The following TMBIM6 variants were observed in gnomAD, a reference collection of about 807,000 sequenced individuals.
TMBIM6 encodes bax inhibitor 1.
TMBIM6 carries 13 observed loss-of-function variants against 31.4 expected under a neutral mutation model. That is an observed-to-expected ratio of 0.41 (90% CI 0.27 to 0.66). The LOEUF (loss-of-function observed/expected upper bound fraction) is 0.66. TMBIM6 is among the 30% of genes least tolerant of loss of function. The pLI, the probability that TMBIM6 is intolerant of heterozygous loss-of-function variation, is 0.28. For missense variants in TMBIM6, 275 were observed against 289.5 expected (o/e 0.95, Z 0.36); for synonymous variants, 85 against 101.7 (o/e 0.84, Z 0.99).
chr12:49,747,260 T>C (rs1195760980), intron 1 of TMBIM6, among the ~76,000 whole-genome samples: 1 of 152,186 alleles, frequency 6.6e-6, no homozygotes, highest in Admixed American at 6.5e-5. Flanking sequence ...AACCATGTAA[T>C]TGACAAACTA....
At chr12:49,744,779 G>A (rs1291651371) in intron 1 of TMBIM6, among the ~76,000 whole-genome samples, 1 of 152,162 alleles carries the variant, frequency 6.6e-6, no homozygotes, top group Non-Finnish European at 1.5e-5. Flanking sequence ...TATGCTGTTT[G>A]TCTTAATTTA....
In TMBIM6 at chr12:49,755,837, C is replaced by CTT. The variant is rs369987981; in HGVS notation, c.286+95_286+96dup. 4,249 of 1,114,996 alleles carry CTT rather than the reference C, an allele frequency of 3.8e-3. 10 individuals are homozygous for CTT. Among genetic ancestry groups the CTT allele is most frequent in the African/African-American group, 0.02 (1,121 of 56,786 alleles). 69.1% of individuals were successfully genotyped at this position (1,114,996 alleles called of 1,614,324 possible). A position where few individuals can be genotyped will look rare whatever the true frequency, so the allele number is the denominator to read the frequency against. ...AATTAGTTCCCCCCCCTTTTTTTTT[C>CTT]TTTTTTTTTTTTTTGAGACAGAGTC... On this transcript the variant is annotated intron_variant, in intron 4 of 9. Transcript: ENST00000267115.
chr12:49,741,936 C>T (rs1219022844), intron 1 of TMBIM6: 5 of 773,778 alleles, frequency 6.5e-6, no homozygotes, highest in Admixed American at 6.4e-5. Context: ...TCTCCCGCTC[C>T]TTCTCCTCTA....
chr12:49,757,483 CAAAA>C (rs879771769), intron 4 of TMBIM6, among the ~76,000 whole-genome samples: 7 of 151,810 alleles, frequency 4.6e-5, no homozygotes, highest in Non-Finnish European at 1.0e-4. Flanking sequence ...TGCTGATTCT[CAAAA>C]AAAGAAAGGC....
chr12:49,757,226 A>G (rs892265288), intron 4 of TMBIM6, among the ~76,000 whole-genome samples: 7 of 152,248 alleles, frequency 4.6e-5, no homozygotes, highest in African/African-American at 1.4e-4. Context: ...CATTAGGGGA[A>G]ACTCTGTGAG....
intron 1 of TMBIM6, among the ~76,000 whole-genome samples, chr12:49,745,873 G>A (rs145736532): frequency 8.7e-4 from 132 of 152,202 alleles, no homozygotes; most frequent in Non-Finnish European, 1.6e-3. Flanking sequence ...TAATGTAAGC[G>A]TTCTGGGCAC....
chr12:49,750,702 T>G (rs543390822), intron 1 of TMBIM6: 1 of 152,334 alleles, frequency 6.6e-6, no homozygotes, highest in African/African-American at 2.4e-5. Flanking sequence ...ACAAAAGTTC[T>G]GAGGTGAGTA....
At chr12:49,748,150 C>T (rs1945430772) in intron 1 of TMBIM6, among the ~76,000 whole-genome samples, 1 of 152,138 alleles carries the variant, frequency 6.6e-6, no homozygotes, top group Non-Finnish European at 1.5e-5. Context: ...GATCTGCTTG[C>T]CTTTGCCTCC....
chr12:49,742,259 C>T, intron 1 of TMBIM6: 6 of 1,606,602 alleles, frequency 3.7e-6, no homozygotes, highest in Non-Finnish European at 5.1e-6. Flanking sequence ...CCGCTCTTTT[C>T]GGATTGGTTA....
chr12:49,749,116 C>T (rs1382218374), intron 1 of TMBIM6, among the ~76,000 whole-genome samples: 2 of 152,294 alleles, frequency 1.3e-5, no homozygotes, highest in African/African-American at 2.4e-5. Context: ...TTCTGAGCTT[C>T]GCTAGTTGAA....
chr12:49,742,139 G>A (rs1438539438), intron 1 of TMBIM6: 6 of 1,611,166 alleles, frequency 3.7e-6, no homozygotes, highest in Non-Finnish European at 3.4e-6. Context: ...GGCGGGTGAT[G>A]TCACACTCCT....
intron 1 of TMBIM6, among the ~76,000 whole-genome samples, chr12:49,742,875 G>T (rs575670614): frequency 3.0e-4 from 45 of 152,196 alleles, no homozygotes; most frequent in African/African-American, 1.0e-3. Flanking sequence ...CCTCCAGTAG[G>T]GACAGAATAG....
At chr12:49,742,141 C>G (rs755295124) in intron 1 of TMBIM6, 7 of 1,611,376 alleles carry the variant, frequency 4.3e-6, no homozygotes, top group Non-Finnish European at 5.1e-6. Context: ...CGGGTGATGT[C>G]ACACTCCTCT....
At chr12:49,760,791 C>T (rs758838767) in intron 8 of TMBIM6, among the ~76,000 whole-genome samples, 1 of 151,926 alleles carries the variant, frequency 6.6e-6, no homozygotes, top group Non-Finnish European at 1.5e-5. Flanking sequence ...ATCTGCCTTC[C>T]TCAGCCTCCC....
Position 49,763,719 on chromosome 12 carries a change from A to T in TMBIM6, c.*823A>T, listed in dbSNP as rs1384320562. The T allele has an allele frequency of 6.6e-6, 1 of 152,276 alleles. No individual in the cohort carries two copies. Among genetic ancestry groups the T allele is most frequent in the East Asian group, 1.9e-4 (1 of 5,198 alleles). 9.4% of individuals were successfully genotyped at this position (152,276 alleles called of 1,614,324 possible). On this transcript the variant is annotated 3_prime_UTR_variant, in exon 10 of 10. Transcript: ENST00000267115. ...ATCCCCTTACTGAGCGGCCTCTACT[A>T]GGTGGCTGTGATTAAATGTCCCAAG... is the stretch of plus-strand genomic sequence containing the variant.
rs17123924 is a variant in TMBIM6, at chr12:49,752,982, A to G, written c.66A>G (p.Ser22=). The part of the protein sequence containing the change: ...ALLKFSHITP[S]TQQHLKKVYA... ...CACATTCTTTTCTTAGAACCCCGTCAACGCAGCAGCACCTGAAGAAGGTCT... is the reference window on the plus strand; with the variant it reads ...CACATTCTTTTCTTAGAACCCCGTCGACGCAGCAGCACCTGAAGAAGGTCT... The change falls in exon 3 of 10, where the codon TCA becomes TCG. Residue 22 remains serine (S), a synonymous_variant. Coordinates refer to ENST00000267115, the MANE Select transcript of TMBIM6 (RefSeq NM_003217.3). The G allele has an allele frequency of 4.1e-3, 6,695 of 1,613,840 alleles. 258 individuals are homozygous for G. In the African/African-American group the frequency reaches 0.079, roughly 19 times the overall value.
intron 1 of TMBIM6, among the ~76,000 whole-genome samples, chr12:49,747,683 T>C (rs1020937304): frequency 6.6e-6 from 1 of 152,234 alleles, no homozygotes; most frequent in African/African-American, 2.4e-5. Flanking sequence ...CATAAACTGA[T>C]ATTTAATTAA....
intron 4 of TMBIM6, among the ~76,000 whole-genome samples, chr12:49,755,958 C>T (rs1456878284): frequency 6.6e-6 from 1 of 151,468 alleles, no homozygotes; most frequent in Non-Finnish European, 1.5e-5. Flanking sequence ...TTTAGCCTCC[C>T]GTGTAGGTGG....
intron 8 of TMBIM6, among the ~76,000 whole-genome samples, chr12:49,760,043 C>T (rs1035699623): frequency 1.5e-5 from 2 of 131,522 alleles, no homozygotes; most frequent in Non-Finnish European, 3.1e-5. Context: ...ACCGGGGAGG[C>T]GGAGCTTGCA....
Sources: allele counts gnomAD v4.1 joint callset (sites outside exome capture counted in the v4.1 genomes callset), GRCh38; gene constraint gnomAD v4.1.1; transcripts MANE v1.5; gene names NCBI Gene and HGNC (gene_info 2026-07-23, HGNC 2026-07-21).